Variants in LRP1B observed in about 807,000 individuals in gnomAD.
The protein encoded by LRP1B is LDL receptor related protein 1B, also known as low-density lipoprotein receptor-related protein 1B.
Under a neutral mutation model 556.6 loss-of-function variants are expected in LRP1B, and 217 were observed. The ratio of observed to expected loss-of-function variants is 0.39; its 90% confidence interval spans 0.35 to 0.44. The LOEUF is 0.44. Among genes scored for constraint, LRP1B ranks in the 20% least tolerant of loss-of-function variants. LRP1B has a pLI of 1.00. For missense variants in LRP1B, 5,053 were observed against 5,620.8 expected (o/e 0.90, Z 3.23); for synonymous variants, 2,047 against 1,865.8 (o/e 1.10, Z -2.50).
At chr2:141,340,313 A>G (rs1052711489) in intron 3 of LRP1B, among the ~76,000 whole-genome samples, 4 of 152,226 alleles carry the variant, frequency 2.6e-5, no homozygotes, top group African/African-American at 7.2e-5. Context: ...TTTGCTGACT[A>G]TATCAATTCT....
intron 2 of LRP1B, among the ~76,000 whole-genome samples, chr2:141,744,537 T>C (rs1414526238): frequency 2.6e-5 from 4 of 152,192 alleles, no homozygotes; most frequent in Non-Finnish European, 5.9e-5. Context: ...AATGTTTCTT[T>C]GCTGATTTTC....
chr2:140,339,770 C>CTCA, intron 77 of LRP1B, among the ~76,000 whole-genome samples: 1 of 151,266 alleles, frequency 6.6e-6, no homozygotes, highest in Non-Finnish European at 1.5e-5. Context: ...AATCAAGGAG[C>CTCA]TCATACAGCA....
At chr2:140,710,354 T>C (rs1686988757) in intron 37 of LRP1B, among the ~76,000 whole-genome samples, 1 of 152,004 alleles carries the variant, frequency 6.6e-6, no homozygotes, top group African/African-American at 2.4e-5. Context: ...AGAGATATCA[T>C]ATTTAAGAAA....
At chr2:140,973,052 TTATATA>T (rs200336213) in intron 18 of LRP1B, among the ~76,000 whole-genome samples, 75,580 of 138,474 alleles carry the variant, frequency 0.55, 22,600 homozygotes, top group Non-Finnish European at 0.66. Context: ...ATATTTCATT[TTATATA>T]TATATATATA....
intron 37 of LRP1B, among the ~76,000 whole-genome samples, chr2:140,711,786 A>G (rs1018710246): frequency 1.3e-5 from 2 of 152,096 alleles, no homozygotes; most frequent in East Asian, 1.9e-4. Context: ...ACTTTCTTCA[A>G]TTTCATCAAT....
At chr2:142,020,430 T>C (rs1012829851) in intron 1 of LRP1B, among the ~76,000 whole-genome samples, 2 of 152,170 alleles carry the variant, frequency 1.3e-5, no homozygotes, top group Non-Finnish European at 2.9e-5. Flanking sequence ...TCTCATGCAT[T>C]CCTTGTTTTA....
At chr2:140,645,365 C>T (rs542849700) in intron 41 of LRP1B, among the ~76,000 whole-genome samples, 2 of 151,862 alleles carry the variant, frequency 1.3e-5, no homozygotes, top group African/African-American at 4.8e-5. Flanking sequence ...AATGAGCTTT[C>T]CACTTGACTA....
At chr2:140,673,819 C>G (rs1448342685) in intron 41 of LRP1B, among the ~76,000 whole-genome samples, 1 of 152,086 alleles carries the variant, frequency 6.6e-6, no homozygotes, top group African/African-American at 2.4e-5. Context: ...ACTTTAGACA[C>G]AACTGACCAG....
chr2:140,352,711 ATTGTT>A (rs1682027931), intron 76 of LRP1B, among the ~76,000 whole-genome samples: 1 of 152,062 alleles, frequency 6.6e-6, no homozygotes, highest in South Asian at 2.1e-4. Context: ...CTTTTGAAAA[ATTGTT>A]TTGAACACAA....
At chr2:141,814,591 T>C (rs966975635) in intron 1 of LRP1B, among the ~76,000 whole-genome samples, 1 of 152,216 alleles carries the variant, frequency 6.6e-6, no homozygotes, top group East Asian at 1.9e-4. Context: ...TGCAGTCAAA[T>C]ATTATGTTCA....
At chr2:141,505,953 TA>T (rs1683915288) in intron 2 of LRP1B, among the ~76,000 whole-genome samples, 1 of 152,094 alleles carries the variant, frequency 6.6e-6, no homozygotes, top group African/African-American at 2.4e-5. Flanking sequence ...TAAAAGAGAA[TA>T]GTAATTTCCA....
chr2:141,112,387 C>T (rs563504758), intron 7 of LRP1B, among the ~76,000 whole-genome samples: 9 of 152,104 alleles, frequency 5.9e-5, no homozygotes, highest in African/African-American at 1.4e-4. Context: ...TAATTCTTTG[C>T]TTTTGGTTGG....
At chr2:140,317,148 T>C (rs548703647) in intron 82 of LRP1B, among the ~76,000 whole-genome samples, 2 of 152,092 alleles carry the variant, frequency 1.3e-5, no homozygotes, top group East Asian at 3.9e-4. Flanking sequence ...GGAATTACAA[T>C]AGGTAAGTGA....
chr2:140,816,292 A>G (rs1256280913), intron 31 of LRP1B, among the ~76,000 whole-genome samples: 1 of 151,788 alleles, frequency 6.6e-6, no homozygotes, highest in African/African-American at 2.4e-5. Context: ...TAATTTTTGT[A>G]TTTTTAGTAG....
rs771827197 is a variant in LRP1B, at chr2:141,076,762, G to A, written c.1014-14489C>T. Among the ~76,000 whole-genome samples the A allele has an allele frequency of 4.6e-4, 70 of 152,020 alleles. 1 individual carries two copies. Among genetic ancestry groups the A allele is most frequent in the Admixed American group, 2.6e-4 (4 of 15,258 alleles). On this transcript the variant is annotated intron_variant, in intron 7 of 90. Transcript: ENST00000389484. ...CCCTAGGTTCTGAGACTACAACAGG[G>A]AATTCTAAAGCACCTGGCCTCCACC... is the stretch of plus-strand genomic sequence containing the variant.
Position 141,541,893 on chromosome 2 carries a change from C to T in LRP1B, c.206-61360G>A, listed in dbSNP as rs77261843. On this transcript the variant is annotated intron_variant, in intron 2 of 90. Coordinates refer to ENST00000389484, the MANE Select transcript of LRP1B (RefSeq NM_018557.3). ...AGGAAAGCTAGAAATCTGTAAATTGCTAAATATATATTACATAATATCTGC... is the reference window on the plus strand; with the variant it reads ...AGGAAAGCTAGAAATCTGTAAATTGTTAAATATATATTACATAATATCTGC... 6.8e-3 allele frequency among the ~76,000 whole-genome samples: 1,030 copies of T among 152,020 alleles called. 21 individuals are homozygous for T. Among genetic ancestry groups the T allele is most frequent in the African/African-American group, 0.023 (941 of 41,506 alleles).
intron 60 of LRP1B, among the ~76,000 whole-genome samples, chr2:140,468,151 G>T (rs1416975354): frequency 2.0e-5 from 3 of 150,836 alleles, no homozygotes; most frequent in Non-Finnish European, 4.4e-5. Flanking sequence ...CAATTTCGAG[G>T]CTCTCTTCCC....
chr2:142,002,550 A>G (rs1371259876), intron 1 of LRP1B, among the ~76,000 whole-genome samples: 1 of 151,204 alleles, frequency 6.6e-6, no homozygotes, highest in African/African-American at 2.4e-5. Flanking sequence ...AGATTTATAC[A>G]TATCACATAA....
At chr2:141,970,737 T>C (rs2105074268) in intron 1 of LRP1B, among the ~76,000 whole-genome samples, 1 of 151,724 alleles carries the variant, frequency 6.6e-6, no homozygotes, top group East Asian at 1.9e-4. Context: ...GCTTATTCCT[T>C]GTAATTCTGA....
Sources: allele counts gnomAD v4.1 joint callset (sites outside exome capture counted in the v4.1 genomes callset), GRCh38; gene constraint gnomAD v4.1.1; transcripts MANE v1.5; gene names NCBI Gene and HGNC (gene_info 2026-07-23, HGNC 2026-07-21).